Variants in RLIM observed in about 807,000 individuals in gnomAD.
RLIM encodes the protein ring finger protein, LIM domain interacting.
In RLIM, 2 loss-of-function variants were observed where a neutral mutation model predicts 34.0. The ratio of observed to expected loss-of-function variants is 0.06; its 90% CI spans 0.02 to 0.19. The LOEUF is 0.19. RLIM is among the 10% of genes least tolerant of loss of function. RLIM has a pLI of 1.00. For synonymous variants in RLIM, 169 were observed against 164.0 expected, an observed-to-expected ratio of 1.03 and a Z score of -0.23; for missense variants, 286 against 479.7, an observed-to-expected ratio of 0.60 and a Z score of 3.77.
At chrX:74,605,662 G>A (rs1377284679) in intron 1 of RLIM, among the ~76,000 whole-genome samples, 1 of 111,947 alleles carries the variant, frequency 8.9e-6, no homozygotes, top group East Asian at 2.8e-4. Flanking sequence ...AGCATCAGCT[G>A]TTTTTCTATG....
rs756954832 is a variant in RLIM, at chrX:74,583,770, G to T, written c.*7670C>A. Among the ~76,000 whole-genome samples the T allele has an allele frequency of 8.0e-5, 9 of 111,948 alleles. No individual in the cohort carries two copies. The highest frequency in any genetic ancestry group is 2.9e-4 in the African/African-American group (9 of 30,797). ...AAAAAACAAAAAACAATTTGCGGCC[G>T]GGCGTGGTGGCTCACGCCTGTAATA... On this transcript the variant is annotated 3_prime_UTR_variant, in exon 4 of 4. Coordinates refer to ENST00000332687, the MANE Select transcript of RLIM (RefSeq NM_016120.4).
intron 1 of RLIM, among the ~76,000 whole-genome samples, chrX:74,613,519 C>T (rs1168066054): frequency 9.1e-6 from 1 of 110,440 alleles, no homozygotes; most frequent in African/African-American, 3.3e-5. Context: ...TGAAATTAAT[C>T]AGCATAAGGG....
At position 74,592,744 on chromosome X, in the gene RLIM, A is replaced by C; in HGVS notation, c.571T>G (p.Ser191Ala). The change falls in exon 4 of 4, where the codon TCA (serine) becomes GCA (alanine). Residue 191 changes from serine to alanine, a missense_variant. Ser to Ala is a moderately conservative substitution (Grantham distance 99). Coordinates refer to ENST00000332687, the MANE Select transcript of RLIM (RefSeq NM_016120.4). ...SESTSARPSR[S>A]ERNSTEALTE... The stretch of plus-strand genomic sequence containing the variant: ...AACGCTTCAGTTGAATTTCGTTCTG[A>C]TCTAGATGGCCTTGCAGATGTTGAT... 8.3e-6 allele frequency: 10 copies of C among 1,211,386 alleles called. No homozygotes were observed. The highest frequency in any genetic ancestry group is 1.1e-5 in the Non-Finnish European group (10 of 895,433).
chrX:74,589,599 G>C lies in RLIM; in HGVS notation c.*1841C>G. On this transcript the variant is annotated 3_prime_UTR_variant, in exon 4 of 4. Transcript: ENST00000332687. ...AAGCCAGAAGAAATCATGGAAGAGT[G>C]AGCTTTGAAATAATCTTTACAGCTA... 8.9e-6 allele frequency: 1 copy of C among 112,269 alleles called. No homozygotes were observed. The highest frequency in any genetic ancestry group is 1.9e-5 in the Non-Finnish European group (1 of 53,229). 9.3% of individuals were successfully genotyped at this position (112,269 alleles called of 1,213,427 possible).
intron 1 of RLIM, among the ~76,000 whole-genome samples, chrX:74,604,269 A>G (rs1404783195): frequency 9.0e-6 from 1 of 111,705 alleles, no homozygotes; most frequent in African/African-American, 3.3e-5. Flanking sequence ...GTTCAGCAAA[A>G]CAATACAGTT....
At chrX:74,610,371 C>T (rs1238192591) in intron 1 of RLIM, among the ~76,000 whole-genome samples, 7 of 108,083 alleles carry the variant, frequency 6.5e-5, no homozygotes, top group Non-Finnish European at 1.2e-4. Flanking sequence ...GAGCCAAGAT[C>T]GTGCCACCGC....
chrX:74,591,800 T>C lies in RLIM; in HGVS notation c.1515A>G (p.Ser505=), dbSNP rs771322184. ...GTCGACCCTCTCGCCTGGCACCTGA[T>C]GAGCCTGATGATGAGCTTCCTTCAT... is the stretch of plus-strand genomic sequence containing the variant. ...GSNEGSSSSG[S]SGARREGRHR... The change falls in exon 4 of 4, where the codon TCA becomes TCG. Residue 505 remains serine (S), a synonymous_variant. Transcript: ENST00000332687. 1 of 1,211,140 alleles carries C rather than the reference T, an allele frequency of 8.3e-7. No homozygotes were observed. Among genetic ancestry groups the C allele is most frequent in the South Asian group, 1.8e-5 (1 of 56,940 alleles).
chrX:74,582,992 T>C lies in RLIM; in HGVS notation c.*8448A>G. The C allele has an allele frequency of 1.7e-6, 1 of 584,865 alleles. No homozygotes were observed. The highest frequency in any genetic ancestry group is 3.3e-5 in the East Asian group (1 of 30,097). The allele number at this position is 584,865 out of a possible 1,213,427, so 48.2% of individuals were successfully genotyped here. On this transcript the variant is annotated 3_prime_UTR_variant, in exon 4 of 4. Transcript: ENST00000332687. ...TACATACGGTTCAGTTTCCTTCTTT[T>C]ATATTTTGATATTTTTTTCCATATT...
chrX:74,607,035 G>C (rs2079685277), intron 1 of RLIM, among the ~76,000 whole-genome samples: 1 of 110,742 alleles, frequency 9.0e-6, no homozygotes, highest in African/African-American at 3.3e-5. Context: ...CTTGGGAGCT[G>C]ATGTGGCTGA....
Position 74,588,104 on chromosome X carries a change from T to C in RLIM, c.*3336A>G, listed in dbSNP as rs1353393091. On this transcript the variant is annotated 3_prime_UTR_variant, in exon 4 of 4. Coordinates refer to ENST00000332687, the MANE Select transcript of RLIM (RefSeq NM_016120.4). ...TCCAAATTAACAAGGTGGCTCATCTTCTATAGTGTTGATACAAAGTCAGCA... is the reference window on the plus strand; with the variant it reads ...TCCAAATTAACAAGGTGGCTCATCTCCTATAGTGTTGATACAAAGTCAGCA... 8.9e-6 allele frequency: 1 copy of C among 112,638 alleles called. No individual in the cohort carries two copies. The highest frequency in any genetic ancestry group is 1.9e-5 in the Non-Finnish European group (1 of 53,396). 9.3% of individuals were successfully genotyped at this position (112,638 alleles called of 1,213,427 possible). A position where few individuals can be genotyped will look rare whatever the true frequency, so the allele number is the denominator to read the frequency against.
At chrX:74,597,022 A>G (rs2079642751) in intron 1 of RLIM, among the ~76,000 whole-genome samples, 1 of 112,258 alleles carries the variant, frequency 8.9e-6, no homozygotes, top group African/African-American at 3.2e-5. Context: ...ACACTATTAA[A>G]CACTAGTGAC....
chrX:74,604,714 C>A (rs1416625555), intron 1 of RLIM, among the ~76,000 whole-genome samples: 1 of 111,483 alleles, frequency 9.0e-6, no homozygotes, highest in Non-Finnish European at 1.9e-5. Flanking sequence ...TTTCCTGACA[C>A]TGATTTCAGA....
Position 74,583,402 on chromosome X carries a change from CTG to C in RLIM, c.*8036_*8037del. ...TGTACATGAATAGCAGGCTGTTGCA[CTG>C]TAACTTGTGGCTGTGCATTAAGATG... On this transcript the variant is annotated 3_prime_UTR_variant, in exon 4 of 4. Transcript: ENST00000332687. The C allele has an allele frequency of 1.8e-6, 1 of 560,653 alleles. No individual in the cohort carries two copies. Among genetic ancestry groups the C allele is most frequent in the Non-Finnish European group, 2.8e-6 (1 of 354,305 alleles). 46.2% of individuals were successfully genotyped at this position (560,653 alleles called of 1,213,427 possible).
intron 1 of RLIM, among the ~76,000 whole-genome samples, chrX:74,610,091 T>C (rs1473999010): frequency 8.9e-6 from 1 of 112,378 alleles, no homozygotes; most frequent in Non-Finnish European, 1.9e-5. Flanking sequence ...CTCACAGATA[T>C]GTAGGTGCTA....
At position 74,613,118 on chromosome X, in the gene RLIM, T is replaced by TG. The variant is rs770155390; in HGVS notation, c.-24+1303dup. Among the ~76,000 whole-genome samples the TG allele has an allele frequency of 1.1e-3, 120 of 108,499 alleles. 3 individuals are homozygous for TG. The highest frequency in any genetic ancestry group is 8.0e-4 in the South Asian group (2 of 2,509). 94.2% of individuals were successfully genotyped at this position (108,499 alleles called of 115,157 possible). A position where few individuals can be genotyped will look rare whatever the true frequency, so the allele number is the denominator to read the frequency against. ...ATATTTCTACAGTTTAGAAAAGTCATGGGGGGGGAGGGGTTATAATTGTGC... is the reference window on the plus strand; with the variant it reads ...ATATTTCTACAGTTTAGAAAAGTCATGGGGGGGGGAGGGGTTATAATTGTGC... On this transcript the variant is annotated intron_variant, in intron 1 of 3. Coordinates refer to ENST00000332687, the MANE Select transcript of RLIM (RefSeq NM_016120.4).
chrX:74,594,518 T>C, intron 2 of RLIM, 129 bp from the exon 3 acceptor site: 2 of 454,906 alleles, frequency 4.4e-6, no homozygotes, highest in South Asian at 1.4e-4. Context: ...AGAAAACTTT[T>C]TCAAACCAAA....
chrX:74,611,561 T>C (rs752952418), intron 1 of RLIM, among the ~76,000 whole-genome samples: 77 of 112,411 alleles, frequency 6.8e-4, no homozygotes, highest in Non-Finnish European at 9.8e-4. Context: ...ACAATAAATA[T>C]GTGTAAACAT....
Position 74,591,960 on chromosome X carries a change from C to T in RLIM, c.1355G>A (p.Gly452Asp). The T allele has an allele frequency of 8.3e-7, 1 of 1,211,638 alleles. No homozygotes were observed. The highest frequency in any genetic ancestry group is 1.8e-5 in the South Asian group (1 of 56,997). ...ACTCGAACTGGAACCAGAACTACTA[C>T]CACCACCAGAACCTCCTCTTCCACT... ...SRSGRGGSGG[G>D]SSSGSSSSSS... Residue 452 changes from glycine to aspartate, a missense_variant, in exon 4 of 4, where the codon GGT (glycine) becomes GAT (aspartate). Gly to Asp is a moderately conservative substitution (Grantham distance 94). Coordinates refer to ENST00000332687, the MANE Select transcript of RLIM (RefSeq NM_016120.4).
At chrX:74,603,544 A>G (rs2079669874) in intron 1 of RLIM, among the ~76,000 whole-genome samples, 2 of 111,774 alleles carry the variant, frequency 1.8e-5, no homozygotes, top group Middle Eastern at 4.6e-3. Context: ...CTTTTAGGGA[A>G]CAAACCAGAA....
Sources: allele counts gnomAD v4.1 joint callset (sites outside exome capture counted in the v4.1 genomes callset), GRCh38; gene constraint gnomAD v4.1.1; transcripts MANE v1.5; gene names NCBI Gene and HGNC (gene_info 2026-07-23, HGNC 2026-07-21).